The following AGL variants were observed in gnomAD, a reference collection of about 807,000 sequenced individuals.
AGL encodes amylo-alpha-1,6-glucosidase and 4-alpha-glucanotransferase.
Under a neutral mutation model 199.3 loss-of-function variants are expected in AGL, and 128 were observed. The observed-to-expected ratio is 0.64, with a 90% CI of 0.56 to 0.74. AGL has a LOEUF of 0.74. Ranked by LOEUF, AGL falls within the 30% of genes least tolerant of loss-of-function variation. The pLI is 0.00. For missense variants in AGL, 1,809 were observed against 1,820.8 expected, an observed-to-expected ratio of 0.99 and a Z score of 0.12; for synonymous variants, 584 against 594.7, an observed-to-expected ratio of 0.98 and a Z score of 0.26.
rs887207077 is a variant in AGL at position 99,922,048 on chromosome 1, C to G, written c.*397C>G. The G allele has an allele frequency of 8.6e-5, 14 of 162,346 alleles. No individual in the cohort carries two copies. The East Asian group carries it at 2.2e-3, about 25-fold the overall frequency. 10.1% of individuals were successfully genotyped at this position (162,346 alleles called of 1,614,324 possible). A position where few individuals can be genotyped will look rare whatever the true frequency, so the allele number is the denominator to read the frequency against. On this transcript the variant is annotated 3_prime_UTR_variant, in exon 34 of 34. Transcript: ENST00000361915. ...TCAGTAACAATACATACTGAATACG[C>G]TGTGGTTCATTAATATTAACACCAC...
In AGL at chr1:99,881,066, TGTC is replaced by T; in HGVS notation, c.1900-9_1900-7del. 6.2e-7 allele frequency: 1 copy of T among 1,610,146 alleles called. No homozygotes were observed. Among genetic ancestry groups the T allele is most frequent in the Non-Finnish European group, 8.5e-7 (1 of 1,176,524 alleles). ...AAGCAAACTTTTGCTTTGTTGTTGT[TGTC>T]TTCTAGCATAGATCAGCGTATGATG... On this transcript the variant is annotated splice_polypyrimidine_tract_variant and splice_region_variant and intron_variant, in intron 14 of 33. Coordinates refer to ENST00000361915, the MANE Select transcript of AGL (RefSeq NM_000642.3).
At chr1:99,910,905 T>C in intron 28 of AGL, 58 bp downstream of exon 28, 2 of 1,546,288 alleles carry the variant, frequency 1.3e-6, no homozygotes, top group Non-Finnish European at 1.8e-6. Context: ...AGCACTTACT[T>C]GTGGAATCTT....
At chr1:99,877,936 A>C in intron 12 of AGL, 108 bp downstream of exon 12, 2 of 1,068,914 alleles carry the variant, frequency 1.9e-6, no homozygotes, top group South Asian at 1.3e-5. Context: ...AGTTGGACAC[A>C]AGCATTGATT....
At chr1:99,896,473 T>G (rs1040988338) in intron 25 of AGL, 85 bp downstream of exon 25, 10 of 1,045,968 alleles carry the variant, frequency 9.6e-6, no homozygotes, top group African/African-American at 1.6e-5. Context: ...CTTGTCCATC[T>G]TTTCTTAACA....
At chr1:99,857,562 C>T (rs766914941) in intron 2 of AGL, among the ~76,000 whole-genome samples, 1 of 151,940 alleles carries the variant, frequency 6.6e-6, no homozygotes, top group Admixed American at 6.6e-5. Context: ...GCAATCCCGG[C>T]ACCTCAGGAG....
Position 99,874,802 on chromosome 1 carries a change from A to T in AGL, c.1074A>T (p.Ile358=), listed in dbSNP as rs1651363104. Residue 358 remains isoleucine, a synonymous_variant, in exon 8 of 34, where the codon ATA becomes ATT. Transcript: ENST00000361915. ...VDMNIALTTF[I]PHDKGPAAIE... ...TGAACATTGCACTAACGACTTTCAT[A>T]CCACATGAGTATGTAATGTGTTTTT... 1 of 1,613,686 alleles carries T rather than the reference A, an allele frequency of 6.2e-7. No homozygotes were observed. Among genetic ancestry groups the T allele is most frequent in the African/African-American group, 1.3e-5 (1 of 75,028 alleles).
In AGL at chr1:99,861,093, A is replaced by G. The variant is rs1649992686; in HGVS notation, c.83-410A>G. 3.8e-6 allele frequency: 3 copies of G among 779,242 alleles called. No homozygotes were observed. The African/African-American group carries it at 5.7e-5, about 15-fold the overall frequency. The allele number at this position is 779,242 out of a possible 1,614,324, so 48.3% of individuals were successfully genotyped here. ...ACTATCACATACTTTCTGACACCAT[A>G]GAGAAACTAGCTTTCTCTGTTGCAG... On this transcript the variant is annotated intron_variant, in intron 2 of 33. Transcript: ENST00000361915.
rs1237771114 is a variant in AGL at position 99,922,909 on chromosome 1, G to C, written c.*1258G>C. 6.6e-6 allele frequency: 1 copy of C among 151,762 alleles called. No individual in the cohort carries two copies. Among genetic ancestry groups the C allele is most frequent in the African/African-American group, 2.4e-5 (1 of 41,342 alleles). 9.4% of individuals were successfully genotyped at this position (151,762 alleles called of 1,614,324 possible). On this transcript the variant is annotated 3_prime_UTR_variant, in exon 34 of 34. Coordinates refer to ENST00000361915, the MANE Select transcript of AGL (RefSeq NM_000642.3). ...TAGCATTTTTTTAGTTAGTTTACAG[G>C]TTACATACCCAAAACCTTAACTATG...
At chr1:99,884,268 A>G (rs1458051867) in intron 18 of AGL, 24 bp downstream of exon 18, 27 of 1,612,782 alleles carry the variant, frequency 1.7e-5, no homozygotes, top group African/African-American at 2.7e-5. Flanking sequence ...TCATCTTACT[A>G]CTGTGTTTAG....
chr1:99,852,894 C>A (rs914828715), intron 2 of AGL, among the ~76,000 whole-genome samples: 2 of 152,182 alleles, frequency 1.3e-5, no homozygotes, highest in African/African-American at 4.8e-5. Context: ...TAGGATAGCT[C>A]AACTTGGATA....
At chr1:99,862,187 C>CA (rs1650099666) in intron 3 of AGL, 70 bp from the exon 4 acceptor site, 1 of 1,407,192 alleles carries the variant, frequency 7.1e-7, no homozygotes, top group South Asian at 1.2e-5. Flanking sequence ...TAGTTAGAGT[C>CA]AGACTATATT....
intron 12 of AGL, among the ~76,000 whole-genome samples, chr1:99,878,451 TAA>T (rs946214329): frequency 3.9e-5 from 6 of 152,114 alleles, no homozygotes; most frequent in African/African-American, 1.4e-4. Flanking sequence ...ATAAAAATTA[TAA>T]GTGTAAACAT....
Position 99,880,772 on chromosome 1 carries a change from C to T in AGL, c.1876C>T (p.His626Tyr), listed in dbSNP as rs1651949748. 2 of 1,613,920 alleles carry T rather than the reference C, an allele frequency of 1.2e-6. No individual in the cohort carries two copies. Among genetic ancestry groups the T allele is most frequent in the South Asian group, 1.1e-5 (1 of 91,064 alleles). ...IAHALFMDITHDNECPIVHRS... is the reference protein window; with the variant it reads ...IAHALFMDITYDNECPIVHRS... ...ACATGCCCTGTTTATGGATATTACG[C>T]ATGATAATGAGTGTCCTATTGTGGT... is the stretch of plus-strand genomic sequence containing the variant. The change falls in exon 14 of 34, where the codon CAT (histidine) becomes TAT (tyrosine). Residue 626 changes from histidine (H) to tyrosine (Y), a missense_variant. Transcript: ENST00000361915.
intron 26 of AGL, 127 bp downstream of exon 26, chr1:99,900,988 T>C (rs1432042983): frequency 8.8e-6 from 8 of 907,456 alleles, no homozygotes; most frequent in South Asian, 4.8e-5. Flanking sequence ...ATGTCAGTAT[T>C]GATTTGGCAC....
At chr1:99,913,095 T>C (rs6577147) in intron 29 of AGL, among the ~76,000 whole-genome samples, 97,206 of 151,734 alleles carry the variant, frequency 0.64, 31,222 homozygotes, top group Non-Finnish European at 0.66. Flanking sequence ...TTATGTGAGC[T>C]TGTAGTCCCA....
At chr1:99,865,488 T>G (rs1650431849) in intron 5 of AGL, among the ~76,000 whole-genome samples, 1 of 152,238 alleles carries the variant, frequency 6.6e-6, no homozygotes, top group Non-Finnish European at 1.5e-5. Flanking sequence ...ATAATTCTAT[T>G]AAAATAGATC....
chr1:99,910,932 G>T (rs1194172140), intron 28 of AGL, 85 bp downstream of exon 28: 15 of 1,422,538 alleles, frequency 1.1e-5, no homozygotes, highest in Non-Finnish European at 1.5e-5. Flanking sequence ...TGTTAACTAT[G>T]AACTCTTTAC....
intron 10 of AGL, among the ~76,000 whole-genome samples, chr1:99,875,681 A>C (rs1056174321): frequency 1.3e-5 from 2 of 152,192 alleles, no homozygotes; most frequent in Non-Finnish European, 2.9e-5. Context: ...GTTATTATTT[A>C]ATGTTTCTGG....
chr1:99,875,691 G>T (rs1196717055), intron 10 of AGL, among the ~76,000 whole-genome samples: 1 of 152,066 alleles, frequency 6.6e-6, no homozygotes, highest in Non-Finnish European at 1.5e-5. Flanking sequence ...AATGTTTCTG[G>T]AGGACTGCAT....
Sources: allele counts gnomAD v4.1 joint callset (sites outside exome capture counted in the v4.1 genomes callset), GRCh38; gene constraint gnomAD v4.1.1; transcripts MANE v1.5; gene names NCBI Gene and HGNC (gene_info 2026-07-23, HGNC 2026-07-21).